NXPE3: variants seen among roughly 807,000 people sequenced by gnomAD.
The protein encoded by NXPE3 is neurexophilin and PC-esterase domain family member 3, also known as NXPE family member 3.
In NXPE3, 26 loss-of-function variants were observed where a neutral mutation model predicts 46.1. The observed-to-expected ratio is 0.56, with a 90% CI of 0.41 to 0.78. The LOEUF (loss-of-function observed/expected upper bound fraction) is 0.78, where lower values mean the gene tolerates loss of function less well. Among genes scored for constraint, NXPE3 ranks in the 30% least tolerant of loss-of-function variants. The pLI is 0.00. For synonymous variants in NXPE3, 272 were observed against 257.9 expected (o/e 1.05, Z -0.52); for missense variants, 620 against 686.0 (o/e 0.90, Z 1.07).
chr3:101,791,097 C>G (rs1940492903), intron 4 of NXPE3, among the ~76,000 whole-genome samples: 1 of 152,188 alleles, frequency 6.6e-6, no homozygotes, highest in Non-Finnish European at 1.5e-5. Context: ...CCTCCTCCCA[C>G]TGTCCTCGCT....
chr3:101,818,715 TTATATATATATA>T (rs61602305), intron 7 of NXPE3, among the ~76,000 whole-genome samples: 1,457 of 37,850 alleles, frequency 0.038, 65 homozygotes, highest in African/African-American at 0.099. Context: ...ATATGACAAT[TTATATATATATA>T]TATATATATA....
intron 5 of NXPE3, among the ~76,000 whole-genome samples, chr3:101,805,641 T>C (rs185952758): frequency 9.2e-5 from 14 of 152,230 alleles, no homozygotes; most frequent in African/African-American, 2.9e-4. Context: ...AGTTTTGCCA[T>C]GTTGGCCAGG....
intron 6 of NXPE3, among the ~76,000 whole-genome samples, chr3:101,816,578 A>C (rs540592147): frequency 8.5e-5 from 13 of 152,254 alleles, no homozygotes; most frequent in African/African-American, 3.1e-4. Context: ...AGCTTCATCC[A>C]TGTCCCTGCA....
intron 4 of NXPE3, among the ~76,000 whole-genome samples, chr3:101,788,639 G>A (rs565253706): frequency 4.0e-5 from 6 of 151,082 alleles, no homozygotes; most frequent in Admixed American, 2.0e-4. Flanking sequence ...TTTTTGAGAC[G>A]GAGTCTTGCT....
chr3:101,790,390 T>C (rs1328539720), intron 4 of NXPE3, among the ~76,000 whole-genome samples: 2 of 152,196 alleles, frequency 1.3e-5, no homozygotes, highest in African/African-American at 4.8e-5. Context: ...TTTCACTTCA[T>C]GTGTTGTGAA....
intron 4 of NXPE3, among the ~76,000 whole-genome samples, chr3:101,799,428 T>A (rs904859733): frequency 6.6e-6 from 1 of 152,128 alleles, no homozygotes; most frequent in Non-Finnish European, 1.5e-5. Flanking sequence ...TATTTATTTA[T>A]TTGTTATTAT....
rs1196482658 is a variant in NXPE3, at chr3:101,827,481, C to G, written c.*5527C>G. 6.6e-6 allele frequency: 1 copy of G among 152,100 alleles called. No individual in the cohort carries two copies. Among genetic ancestry groups the G allele is most frequent in the Non-Finnish European group, 1.5e-5 (1 of 68,020 alleles). 9.4% of individuals were successfully genotyped at this position (152,100 alleles called of 1,614,324 possible). A position where few individuals can be genotyped will look rare whatever the true frequency, so the allele number is the denominator to read the frequency against. ...GATTGCGATACTACTTTTTGATTGCCGTATTGTAAAAGCTATATGGTAAAA... is the reference window on the plus strand; with the variant it reads ...GATTGCGATACTACTTTTTGATTGCGGTATTGTAAAAGCTATATGGTAAAA... On this transcript the variant is annotated 3_prime_UTR_variant, in exon 8 of 8. Transcript: ENST00000273347.
chr3:101,802,600 CTA>C (rs1357524716), intron 5 of NXPE3, among the ~76,000 whole-genome samples: 3 of 151,952 alleles, frequency 2.0e-5, no homozygotes, highest in African/African-American at 4.9e-5. Flanking sequence ...GATTAAAAAA[CTA>C]TGAATATGGC....
intron 4 of NXPE3, among the ~76,000 whole-genome samples, chr3:101,796,677 T>TTTTTTAAATGAACAAATAC (rs1940846712): frequency 6.6e-6 from 1 of 152,198 alleles, no homozygotes; most frequent in Non-Finnish European, 1.5e-5. Flanking sequence ...CCCCATGCCA[T>TTTTTTAAATGAACAAATAC]TTTTTAAATG....
intron 6 of NXPE3, among the ~76,000 whole-genome samples, chr3:101,811,727 ATTTT>A (rs33999838): frequency 1.0e-5 from 1 of 98,618 alleles, no homozygotes. Flanking sequence ...GCAGTAGTTA[ATTTT>A]TTTTTTTTTT....
chr3:101,779,370 T>A (rs1939673225), intron 1 of NXPE3, 46 bp downstream of exon 1: 2 of 152,506 alleles, frequency 1.3e-5, no homozygotes. Context: ...GAGGGGCCGC[T>A]GCGGGCGGAG....
In NXPE3 at chr3:101,804,502, A is replaced by G. The variant is rs181873378; in HGVS notation, c.848+2513A>G. Among the ~76,000 whole-genome samples, 66 of 152,348 alleles carry G rather than the reference A, an allele frequency of 4.3e-4. 1 individual carries two copies. The highest frequency in any genetic ancestry group is 1.5e-3 in the African/African-American group (64 of 41,574). On this transcript the variant is annotated intron_variant, in intron 5 of 7. Transcript: ENST00000273347. ...AAAGCAAACATTTGACAGAGTTCTC[A>G]TAATTGATTTTCATTTTCCACCCTT...
rs138391412 is a variant in NXPE3, at chr3:101,792,111, G to A, written c.93+6422G>A. ...CATGTCCTTTGCCCATCTTTTAATG[G>A]GGTTGTTTCTTGTAGATTTTGTTTC... On this transcript the variant is annotated intron_variant, in intron 4 of 7. Transcript: ENST00000273347. Among the ~76,000 whole-genome samples the A allele has an allele frequency of 8.9e-3, 1,348 of 152,142 alleles. 62 individuals are homozygous for A. The South Asian group carries it at 0.12, about 14-fold the overall frequency.
chr3:101,819,259 AG>A (rs972386213), intron 7 of NXPE3, among the ~76,000 whole-genome samples: 5 of 152,216 alleles, frequency 3.3e-5, no homozygotes, highest in African/African-American at 1.2e-4. Flanking sequence ...GGGAATATTT[AG>A]GGATATGAGA....
chr3:101,825,153 C>G lies in NXPE3; in HGVS notation c.*3199C>G, dbSNP rs951388862. The G allele has an allele frequency of 2.0e-5, 3 of 152,224 alleles. No homozygotes were observed. The highest frequency in any genetic ancestry group is 7.2e-5 in the African/African-American group (3 of 41,446). The allele number at this position is 152,224 out of a possible 1,614,324, so 9.4% of individuals were successfully genotyped here. A position where few individuals can be genotyped will look rare whatever the true frequency, so the allele number is the denominator to read the frequency against. Reference sequence around the variant, plus strand: ...ATTTTTCCTGATCCTCTCCCTCCTCCTACCCTCCACCCTCCAATAGACCCC... The same window carrying G: ...ATTTTTCCTGATCCTCTCCCTCCTCGTACCCTCCACCCTCCAATAGACCCC... On this transcript the variant is annotated 3_prime_UTR_variant, in exon 8 of 8. Coordinates refer to ENST00000273347, the MANE Select transcript of NXPE3 (RefSeq NM_145037.4).
At position 101,822,147 on chromosome 3, in the gene NXPE3, T is replaced by A. The variant is rs993571432; in HGVS notation, c.*193T>A. 1.7e-6 allele frequency: 1 copy of A among 574,740 alleles called. No individual in the cohort carries two copies. Among genetic ancestry groups the A allele is most frequent in the African/African-American group, 1.9e-5 (1 of 53,698 alleles). 35.6% of individuals were successfully genotyped at this position (574,740 alleles called of 1,614,324 possible). A position where few individuals can be genotyped will look rare whatever the true frequency, so the allele number is the denominator to read the frequency against. On this transcript the variant is annotated 3_prime_UTR_variant, in exon 8 of 8. Coordinates refer to ENST00000273347, the MANE Select transcript of NXPE3 (RefSeq NM_145037.4). ...ATTTATATCTACCTATAGGATTTTA[T>A]CCAATGTTGACTTAGCCATGGTAGA...
At position 101,822,490 on chromosome 3, in the gene NXPE3, AT is replaced by A. The variant is rs1278046803; in HGVS notation, c.*538del. On this transcript the variant is annotated 3_prime_UTR_variant, in exon 8 of 8. Transcript: ENST00000273347. ...TCTCTTGATGATCTACCTTTTCTGA[AT>A]TACTTGAAAAGGCCAATGTGCTTGG... 6.6e-6 allele frequency: 1 copy of A among 152,450 alleles called. No homozygotes were observed. The highest frequency in any genetic ancestry group is 2.4e-5 in the African/African-American group (1 of 41,434). 9.4% of individuals were successfully genotyped at this position (152,450 alleles called of 1,614,324 possible). A position where few individuals can be genotyped will look rare whatever the true frequency, so the allele number is the denominator to read the frequency against.
At chr3:101,791,052 C>G (rs1178595766) in intron 4 of NXPE3, among the ~76,000 whole-genome samples, 1 of 152,080 alleles carries the variant, frequency 6.6e-6, no homozygotes, top group Non-Finnish European at 1.5e-5. Flanking sequence ...TTTCATCACC[C>G]AATTATTAAG....
intron 6 of NXPE3, 88 bp from the exon 7 acceptor site, chr3:101,816,707 A>G: frequency 1.0e-6 from 1 of 1,001,296 alleles, no homozygotes; most frequent in Non-Finnish European, 1.5e-6. Flanking sequence ...AGGCTAACAA[A>G]TACATGGGCA....
Sources: allele counts gnomAD v4.1 joint callset (sites outside exome capture counted in the v4.1 genomes callset), GRCh38; gene constraint gnomAD v4.1.1; transcripts MANE v1.5; gene names NCBI Gene and HGNC (gene_info 2026-07-23, HGNC 2026-07-21).